The following AGAP2 variants were observed in gnomAD, a reference collection of about 807,000 sequenced individuals.
The protein encoded by AGAP2 is arf-GAP with GTPase, ANK repeat and PH domain-containing protein 2.
AGAP2 carries 32 observed loss-of-function variants against 110.9 expected under a neutral mutation model. The ratio of observed to expected loss-of-function variants is 0.29; its 90% CI spans 0.22 to 0.39. The LOEUF is 0.39. Ranked by LOEUF, AGAP2 falls within the 10% of genes least tolerant of loss-of-function variation. The pLI is 1.00. For missense variants in AGAP2, 1,285 were observed against 1,638.5 expected, an observed-to-expected ratio of 0.78 and a Z score of 3.72; for synonymous variants, 702 against 713.0, an observed-to-expected ratio of 0.98 and a Z score of 0.25.
intron 12 of AGAP2, 46 bp from the exon 13 acceptor site, chr12:57,729,813 T>A: frequency 2.6e-6 from 4 of 1,556,372 alleles, no homozygotes; most frequent in Non-Finnish European, 3.5e-6. Context: ...CTCCACAGAT[T>A]TCCTGATTTC....
rs1229124535 is a variant in AGAP2, at chr12:57,738,555, G to C, written c.-309C>G. The stretch of plus-strand genomic sequence containing the variant: ...CCTGGGTGGGGGCGCTGAGATGGGT[G>C]GGGGAGGGCGGGGAGGACAGTAGTG... On this transcript the variant is annotated 5_prime_UTR_variant, in exon 1 of 19. Coordinates refer to ENST00000547588, the MANE Select transcript of AGAP2 (RefSeq NM_001122772.3). This position sits in a 1 kb window ranked among gnomAD's most constrained non-coding sequence, Gnocchi z 6.7. Among the ~76,000 whole-genome samples, 1 of 151,908 alleles carries C rather than the reference G, an allele frequency of 6.6e-6. No homozygotes were observed. The highest frequency in any genetic ancestry group is 1.5e-5 in the Non-Finnish European group (1 of 67,894).
chr12:57,739,368 TC>T (rs748334625), upstream of AGAP2, among the ~76,000 whole-genome samples: 2 of 152,084 alleles, frequency 1.3e-5, no homozygotes, highest in East Asian at 3.9e-4. Context: ...CAGCTCCCTT[TC>T]CCACTCACAC....
chr12:57,727,164 G>A lies in AGAP2; in HGVS notation c.3146C>T (p.Thr1049Ile). Residue 1049 changes from threonine (T) to isoleucine (I), a missense_variant, in exon 18 of 19, where the codon ACC becomes ATC. By Grantham distance (89) the Thr-to-Ile change is moderately conservative. Transcript: ENST00000547588. ...CTGGCGGCCCAGCGGCTCCTCCGAG[G>A]TGCTCAGCGGCGCCAGGAACAGTAG... ...EQLLFLAPLS[T>I]SEEPLGRQLW... 6.2e-7 allele frequency: 1 copy of A among 1,608,552 alleles called. No homozygotes were observed. The highest frequency in any genetic ancestry group is 8.5e-7 in the Non-Finnish European group (1 of 1,178,396).
chr12:57,726,928 G>A lies in AGAP2; in HGVS notation c.3336+46C>T, dbSNP rs550269022. On this transcript the variant is annotated intron_variant, in intron 18 of 18. Transcript: ENST00000547588. This position sits in a 1 kb window ranked among gnomAD's most constrained non-coding sequence, Gnocchi z 5.7. ...GGCTTTCCCGCGCCAGGCGTTTTCCGAGATGAAGCCTCAAAGACCCCCTTT... is the reference window on the plus strand; with the variant it reads ...GGCTTTCCCGCGCCAGGCGTTTTCCAAGATGAAGCCTCAAAGACCCCCTTT... 3.3e-6 allele frequency: 5 copies of A among 1,501,122 alleles called. No individual in the cohort carries two copies. The African/African-American group carries it at 7.0e-5, about 21-fold the overall frequency. 93.0% of individuals were successfully genotyped at this position (1,501,122 alleles called of 1,614,324 possible).
chr12:57,740,984 A>G (rs1451266536), upstream of AGAP2, among the ~76,000 whole-genome samples: 1 of 152,218 alleles, frequency 6.6e-6, no homozygotes, highest in Non-Finnish European at 1.5e-5. Context: ...TGGCTGGAAG[A>G]GATCAGGATA....
chr12:57,733,185 CTGTG>C (rs35371569), intron 5 of AGAP2, among the ~76,000 whole-genome samples: 102 of 146,530 alleles, frequency 7.0e-4, no homozygotes, highest in East Asian at 1.4e-3. Context: ...GCTGGGTGAG[CTGTG>C]TGTGTGTGTG....
intron 13 of AGAP2, among the ~76,000 whole-genome samples, 182 bp from the exon 14 acceptor site, chr12:57,728,559 G>A (rs1041379069): frequency 2.4e-4 from 36 of 152,148 alleles, no homozygotes; most frequent in African/African-American, 8.0e-4. Context: ...CAGTGGCCCC[G>A]GAGCAGAGTG....
rs1003014720 is a variant in AGAP2, at chr12:57,731,247, T to C, written c.2145+119A>G. 10 of 909,134 alleles carry C rather than the reference T, an allele frequency of 1.1e-5. No individual in the cohort carries two copies. The African/African-American group carries it at 1.5e-4, about 14-fold the overall frequency. 56.3% of individuals were successfully genotyped at this position (909,134 alleles called of 1,614,324 possible). ...GGCTCTTAACACATGCCTGCTAAAC[T>C]TAAGAGAAGAGGACTAGCACTTCCT... On this transcript the variant is annotated intron_variant, in intron 10 of 18. Transcript: ENST00000547588.
intron 6 of AGAP2, 125 bp from the exon 7 acceptor site, chr12:57,732,637 A>T (rs1595088758): frequency 7.8e-7 from 1 of 1,289,432 alleles, no homozygotes; most frequent in African/African-American, 1.5e-5. Flanking sequence ...TGTGGCCTCC[A>T]TGCCACCTGT....
At chr12:57,729,313 G>T (rs1954838734) in intron 13 of AGAP2, among the ~76,000 whole-genome samples, 1 of 152,012 alleles carries the variant, frequency 6.6e-6, no homozygotes, top group African/African-American at 2.4e-5. Context: ...GGGGATCAGC[G>T]GGGCTGCCGG....
In AGAP2 at chr12:57,726,508, T is replaced by C. The variant is rs1182253888; in HGVS notation, c.*44A>G. 8.4e-7 allele frequency: 1 copy of C among 1,187,332 alleles called. No homozygotes were observed. The allele number at this position is 1,187,332 out of a possible 1,614,324, so 73.5% of individuals were successfully genotyped here. A position where few individuals can be genotyped will look rare whatever the true frequency, so the allele number is the denominator to read the frequency against. ...TCCAGCGGTCCGCCCGGTGTGGTCG[T>C]GCCCGGCCCGCGTGGGGATGGGGGT... On this transcript the variant is annotated 3_prime_UTR_variant, in exon 19 of 19. Transcript: ENST00000547588. This position sits in a 1 kb window ranked among gnomAD's most constrained non-coding sequence, Gnocchi z 5.7.
At position 57,730,807 on chromosome 12, in the gene AGAP2, C is replaced by A. The variant is rs1219849690; in HGVS notation, c.2292G>T (p.Gln764His). The change falls in exon 11 of 19, where the codon CAG becomes CAT. Residue 764 changes from glutamine (Q) to histidine (H), a missense_variant. Physicochemically the swap from Gln to His is conservative, Grantham distance 24. Coordinates refer to ENST00000547588, the MANE Select transcript of AGAP2 (RefSeq NM_001122772.3). ...NGLVKDMSTV[Q>H]MGEGLEATTP... ...CTTACTCACCCAGGCCTTCACCCAT[C>A]TGGACAGTGCTCATGTCCTTGACGA... 6.2e-7 allele frequency: 1 copy of A among 1,614,064 alleles called. No individual in the cohort carries two copies. Among genetic ancestry groups the A allele is most frequent in the Admixed American group, 1.7e-5 (1 of 60,024 alleles).
rs762621865 is a variant in AGAP2 at position 57,732,530 on chromosome 12, AAGG to A, written c.1685-21_1685-19del. 1 of 1,571,506 alleles carries A rather than the reference AAGG, an allele frequency of 6.4e-7. No homozygotes were observed. The highest frequency in any genetic ancestry group is 8.6e-7 in the Non-Finnish European group (1 of 1,156,874). On this transcript the variant is annotated intron_variant, in intron 6 of 18. Coordinates refer to ENST00000547588, the MANE Select transcript of AGAP2 (RefSeq NM_001122772.3). Reference sequence around the variant, plus strand: ...CTGGGCCACTGAGGGGAGTTGACGGAAGGAGGTGTGAGCAGGCCAGATACCCAA... The same window carrying A: ...CTGGGCCACTGAGGGGAGTTGACGGAAGGTGTGAGCAGGCCAGATACCCAA...
downstream of AGAP2, chr12:57,724,320 TAAC>T (rs1954729054): frequency 6.6e-6 from 1 of 152,382 alleles, no homozygotes; most frequent in East Asian, 1.9e-4. Context: ...TCAAGGTAGA[TAAC>T]AACATATGGC....
In AGAP2 at chr12:57,734,605, C is replaced by T; in HGVS notation, c.1302G>A (p.Leu434=). ...TTCAGAACTCACTCTCTGTCTTCTC[C>T]AGCACCTGGTATGAGCCAGTCAGGA... ...HRFLTGSYQV[L]EKTESEQYKK... The change falls in exon 3 of 19, where the codon CTG becomes CTA. Residue 434 remains leucine, a synonymous_variant. Transcript: ENST00000547588. 6.2e-7 allele frequency: 1 copy of T among 1,614,166 alleles called. No homozygotes were observed. The highest frequency in any genetic ancestry group is 8.5e-7 in the Non-Finnish European group (1 of 1,180,038).
Position 57,735,426 on chromosome 12 carries a change from C to G in AGAP2, c.1170G>C (p.Lys390Asn). 6.2e-7 allele frequency: 1 copy of G among 1,613,642 alleles called. No individual in the cohort carries two copies. The highest frequency in any genetic ancestry group is 2.2e-5 in the East Asian group (1 of 44,878). ...TCCATTCCTGGCTATTGATCACAGC[C>G]TCTGTAACGGGAGAAGGGCAGTAAG... is the stretch of plus-strand genomic sequence containing the variant. The part of the protein sequence containing the change: ...LLGAELRASP[K>N]AVINSQEWTL... The change falls in exon 2 of 19, where the codon AAG (lysine) becomes AAC (asparagine). Residue 390 changes from lysine (K) to asparagine (N), a missense_variant and splice_region_variant. Around this residue, in one of 7 missense-constraint regions of AGAP2, gnomAD observed 844 missense variants for 941.2 expected, o/e 0.90. Transcript: ENST00000547588.
In AGAP2 at chr12:57,727,595, C is replaced by T. The variant is rs769903048; in HGVS notation, c.2858-13G>A. On this transcript the variant is annotated splice_polypyrimidine_tract_variant and intron_variant, in intron 16 of 18. Transcript: ENST00000547588. ...GCCCACGTGGGGTCTGCGGAAGGAG[C>T]GTAGAGGTCGGCTCCCAGCCGGGCA... 7 of 1,596,908 alleles carry T rather than the reference C, an allele frequency of 4.4e-6. No homozygotes were observed.
At chr12:57,729,131 G>A (rs528669229) in intron 13 of AGAP2, among the ~76,000 whole-genome samples, 8 of 140,738 alleles carry the variant, frequency 5.7e-5, no homozygotes, top group Admixed American at 3.8e-4. Flanking sequence ...AGCCGAGATC[G>A]CACCACTGTA....
At chr12:57,729,883 T>C in intron 12 of AGAP2, 116 bp from the exon 13 acceptor site, 1 of 1,421,934 alleles carries the variant, frequency 7.0e-7, no homozygotes, top group Admixed American at 2.3e-5. Flanking sequence ...CCTCCTCAAC[T>C]GTCCCTCTCC....
Sources: gnomAD v4.1 joint callset for allele counts (sites outside exome capture counted in the v4.1 genomes callset) on GRCh38, gnomAD v4.1.1 for gene constraint, gnomAD v4.1.1 regional missense constraint, Gnocchi (gnomAD v3.1) non-coding constraint, MANE v1.5 for transcripts, NCBI Gene and HGNC (gene_info 2026-07-23, HGNC 2026-07-21) for gene names.